The following DNAH2 variants were observed in gnomAD, a reference collection of about 807,000 sequenced individuals.
DNAH2 encodes dynein axonemal heavy chain 2, also known as axonemal beta dynein heavy chain 2.
A neutral mutation model predicts 523.5 loss-of-function variants in DNAH2; 323 were observed. The ratio of observed to expected loss-of-function variants is 0.62; its 90% CI spans 0.56 to 0.68. DNAH2 has a LOEUF of 0.68. Ranked by LOEUF, DNAH2 falls within the 30% of genes least tolerant of loss-of-function variation. The probability of loss-of-function intolerance (pLI) is 0.00; values close to 1 mark genes in which losing one functional copy is unlikely to be tolerated. For missense variants in DNAH2, 4,907 were observed against 5,701.5 expected, an observed-to-expected ratio of 0.86 and a Z score of 4.49; for synonymous variants, 2,093 against 2,177.4, an observed-to-expected ratio of 0.96 and a Z score of 1.08.
At chr17:7,825,862 C>T (rs1309542962) in intron 77 of DNAH2, among the ~76,000 whole-genome samples, 1 of 152,206 alleles carries the variant, frequency 6.6e-6, no homozygotes, top group Non-Finnish European at 1.5e-5. Context: ...TCCCAACCCC[C>T]AAGACTCAGA....
At chr17:7,734,038 A>G in intron 5 of DNAH2, 145 bp from the exon 6 acceptor site, 1 of 677,544 alleles carries the variant, frequency 1.5e-6, no homozygotes, top group Non-Finnish European at 2.5e-6. Context: ...CTTGATATCA[A>G]AAAAGCATGA....
chr17:7,796,822 G>C (rs1202082711), intron 50 of DNAH2, among the ~76,000 whole-genome samples, 170 bp downstream of exon 50: 2 of 150,196 alleles, frequency 1.3e-5, no homozygotes, highest in Non-Finnish European at 3.0e-5. Context: ...AAGTGCGGTG[G>C]CTCACACCTG....
At chr17:7,726,217 G>A (rs1403005857) in intron 3 of DNAH2, among the ~76,000 whole-genome samples, 1 of 151,954 alleles carries the variant, frequency 6.6e-6, no homozygotes, top group Admixed American at 6.6e-5. Flanking sequence ...TGTTGGCCAG[G>A]CTGGTCTTGA....
chr17:7,816,597 G>T lies in DNAH2; in HGVS notation c.9756G>T (p.Lys3252Asn), dbSNP rs772860846. Reference protein sequence around the residue: ...REVAEKLEMLKKQYDEKLAQK... With the variant: ...REVAEKLEMLNKQYDEKLAQK... ...TAGCTGAGAAACTGGAGATGCTAAAGAAACAGTATGATGAGAAGCTGGCAC... is the reference window on the plus strand; with the variant it reads ...TAGCTGAGAAACTGGAGATGCTAAATAAACAGTATGATGAGAAGCTGGCAC... Residue 3252 changes from lysine (K) to asparagine (N), a missense_variant, in exon 64 of 86, where the codon AAG becomes AAT. Transcript: ENST00000572933. 8.7e-6 allele frequency: 14 copies of T among 1,614,118 alleles called. No homozygotes were observed. The East Asian group carries it at 2.9e-4, about 33-fold the overall frequency.
chr17:7,793,195 A>G lies in DNAH2; in HGVS notation c.7559A>G (p.Lys2520Arg), dbSNP rs770045379. 5.6e-6 allele frequency: 9 copies of G among 1,613,520 alleles called. No homozygotes were observed. Among genetic ancestry groups the G allele is most frequent in the Non-Finnish European group, 6.8e-6 (8 of 1,179,524 alleles). The change falls in exon 48 of 86, where the codon AAG becomes AGG. Residue 2520 changes from lysine to arginine, a missense_variant. By Grantham distance (26) the Lys-to-Arg change is conservative (BLOSUM62 2). This residue lies in a region of DNAH2 where 250 missense variants were observed against 371.3 expected (regional missense o/e 0.67). Transcript: ENST00000572933. Reference protein sequence around the residue: ...FWYDRTKQTIKYIREMFLMAA... With the variant: ...FWYDRTKQTIRYIREMFLMAA... ...TATGACCGTACGAAGCAGACCATCA[A>G]GTACATTCGAGTAAGCCTCGCTAGA...
chr17:7,808,402 A>ACTC (rs2077426161), intron 63 of DNAH2, among the ~76,000 whole-genome samples: 1 of 151,492 alleles, frequency 6.6e-6, no homozygotes, highest in African/African-American at 2.4e-5. Flanking sequence ...TGCATAAGTG[A>ACTC]CTCCTGAACC....
chr17:7,754,669 G>C lies in DNAH2; in HGVS notation c.1905-2422G>C, dbSNP rs753657945. 7.5e-7 allele frequency: 1 copy of C among 1,329,936 alleles called. No individual in the cohort carries two copies. Among genetic ancestry groups the C allele is most frequent in the Non-Finnish European group, 1.1e-6 (1 of 939,328 alleles). The allele number at this position is 1,329,936 out of a possible 1,614,324, so 82.4% of individuals were successfully genotyped here. On this transcript the variant is annotated intron_variant, in intron 12 of 85. Coordinates refer to ENST00000572933, the MANE Select transcript of DNAH2 (RefSeq NM_020877.5). The surrounding 1 kb of genome is among the most constrained non-coding windows in gnomAD (Gnocchi z 4.6). ...AAGGGTGTCAGCCATAAACTTGATC[G>C]ACTTGCCTACATTGCCCACCCCAAC...
chr17:7,827,766 A>T (rs2078060938), intron 77 of DNAH2, among the ~76,000 whole-genome samples: 1 of 151,594 alleles, frequency 6.6e-6, no homozygotes, highest in African/African-American at 2.4e-5. Flanking sequence ...TTCTACATGG[A>T]TAACCAATTC....
At chr17:7,817,527 T>C in intron 65 of DNAH2, 34 bp from the exon 66 acceptor site, 4 of 1,613,774 alleles carry the variant, frequency 2.5e-6, no homozygotes, top group Non-Finnish European at 3.4e-6. Flanking sequence ...GGCTCAGCTC[T>C]TCAAGTTAAA....
In DNAH2 at chr17:7,818,405, A is replaced by G. The variant is rs907014293; in HGVS notation, c.10481A>G (p.Tyr3494Cys). 6.2e-7 allele frequency: 1 copy of G among 1,614,214 alleles called. No homozygotes were observed. The highest frequency in any genetic ancestry group is 2.2e-5 in the East Asian group (1 of 44,880). The part of the protein sequence containing the change: ...YITTKLSNPH[Y>C]SPETSAKTTI... ...ACCACCAAGCTCTCCAACCCCCACT[A>G]CAGCCCAGAGACCTCAGCCAAGACC... is the stretch of plus-strand genomic sequence containing the variant. The change falls in exon 69 of 86, where the codon TAC (tyrosine) becomes TGC (cysteine). Residue 3494 changes from tyrosine to cysteine, a missense_variant. By Grantham distance (194) the Tyr-to-Cys change is radical. Coordinates refer to ENST00000572933, the MANE Select transcript of DNAH2 (RefSeq NM_020877.5).
intron 35 of DNAH2, 104 bp from the exon 36 acceptor site, chr17:7,779,139 G>C (rs2076537132): frequency 7.3e-7 from 1 of 1,368,564 alleles, no homozygotes; most frequent in Admixed American, 2.1e-5. Context: ...TAGTCTGGAG[G>C]CCGCCTCGCC....
intron 44 of DNAH2, among the ~76,000 whole-genome samples, chr17:7,788,558 C>A (rs1054006527): frequency 2.0e-5 from 3 of 152,224 alleles, no homozygotes; most frequent in Non-Finnish European, 4.4e-5. Flanking sequence ...CCTCACTTCT[C>A]CATCCCTTCA....
chr17:7,731,603 CAA>C (rs1237754436), intron 4 of DNAH2, among the ~76,000 whole-genome samples: 8 of 152,040 alleles, frequency 5.3e-5, no homozygotes, highest in African/African-American at 1.9e-4. Context: ...CTAATATTAA[CAA>C]TATTAATTTT....
chr17:7,788,311 G>A (rs2076802548), intron 44 of DNAH2, 67 bp downstream of exon 44: 3 of 1,474,378 alleles, frequency 2.0e-6, no homozygotes, highest in East Asian at 2.5e-5. Flanking sequence ...AACAACTTCT[G>A]GGAAACGGCG....
At chr17:7,802,432 C>G (rs2077248401) in intron 58 of DNAH2, among the ~76,000 whole-genome samples, 2 of 152,142 alleles carry the variant, frequency 1.3e-5, no homozygotes, top group South Asian at 2.1e-4. Context: ...GGGATTGGTT[C>G]CAGGACCTCC....
At chr17:7,779,478 G>T in intron 36 of DNAH2, 55 bp downstream of exon 36, 1 of 1,563,358 alleles carries the variant, frequency 6.4e-7, no homozygotes, top group Non-Finnish European at 8.7e-7. Context: ...GGGTGTTCAG[G>T]GGAAATAACT....
At chr17:7,778,659 G>T (rs973910522) in intron 35 of DNAH2, among the ~76,000 whole-genome samples, 190 bp downstream of exon 35, 48 of 152,178 alleles carry the variant, frequency 3.2e-4, no homozygotes, top group Non-Finnish European at 4.4e-5. Context: ...ACCTTTGCCT[G>T]CTGGGTTCGG....
rs1475999419 is a variant in DNAH2 at position 7,770,386 on chromosome 17, C to A, written c.4076C>A (p.Thr1359Asn). The A allele has an allele frequency of 6.2e-7, 1 of 1,613,436 alleles. No individual in the cohort carries two copies. The change falls in exon 25 of 86, where the codon ACT becomes AAT. Residue 1359 changes from threonine to asparagine, a missense_variant. Transcript: ENST00000572933. ...ATTGGGGAGATCTCTGCTTCAGCAA[C>A]TAAAGAGCTGGCTATAGAAGTGGTA... ...EKIGEISASA[T>N]KELAIEVALQ...
intron 39 of DNAH2, among the ~76,000 whole-genome samples, chr17:7,785,708 A>G (rs1438907861): frequency 6.6e-6 from 1 of 152,146 alleles, no homozygotes; most frequent in East Asian, 1.9e-4. Context: ...CTTCCACCAA[A>G]CTGTGAGCTC....
Sources: gnomAD v4.1 joint callset for allele counts (sites outside exome capture counted in the v4.1 genomes callset) on GRCh38, gnomAD v4.1.1 for gene constraint, gnomAD v4.1.1 regional missense constraint, Gnocchi (gnomAD v3.1) non-coding constraint, MANE v1.5 for transcripts, NCBI Gene and HGNC (gene_info 2026-07-23, HGNC 2026-07-21) for gene names.